The following MCM3AP variants were observed in gnomAD, a reference collection of about 807,000 sequenced individuals.
MCM3AP encodes germinal-center associated nuclear protein.
A neutral mutation model predicts 184.1 loss-of-function variants in MCM3AP; 126 were observed. The observed-to-expected ratio is 0.68, with a 90% confidence interval of 0.59 to 0.79. The LOEUF is 0.79. Ranked by LOEUF, MCM3AP falls within the 30% of genes least tolerant of loss-of-function variation. The probability of loss-of-function intolerance (pLI) is 0.00; values close to 1 mark genes in which losing one functional copy is unlikely to be tolerated. For synonymous variants in MCM3AP, 1,002 were observed against 979.3 expected (o/e 1.02, Z -0.43); for missense variants, 2,496 against 2,479.2 (o/e 1.01, Z -0.14).
upstream of MCM3AP, chr21:46,285,612 T>TA (rs545633278): frequency 0.3 from 55,469 of 182,658 alleles, 7,888 homozygotes; most frequent in Admixed American, 0.41. Context: ...CCTTTAAGAT[T>TA]AAAAAAAAAA....
At chr21:46,273,335 G>T in intron 7 of MCM3AP, 53 bp downstream of exon 7, 1 of 1,501,214 alleles carries the variant, frequency 6.7e-7, no homozygotes, top group South Asian at 1.1e-5. Flanking sequence ...ATATCAGTTT[G>T]ACTTTGGAAT....
At chr21:46,278,902 T>C (rs1207520079) in intron 4 of MCM3AP, among the ~76,000 whole-genome samples, 1 of 149,530 alleles carries the variant, frequency 6.7e-6, no homozygotes, top group African/African-American at 2.5e-5. Context: ...CTCAATCTCC[T>C]GACCTTGTGA....
chr21:46,256,122 C>G (rs2080945356), intron 17 of MCM3AP, among the ~76,000 whole-genome samples: 1 of 152,182 alleles, frequency 6.6e-6, no homozygotes, highest in Admixed American at 6.5e-5. Flanking sequence ...CCAGTCCCCA[C>G]CCACTGGGAG....
chr21:46,272,852 A>G (rs1569076565), intron 7 of MCM3AP, 23 bp from the exon 8 acceptor site: 3 of 1,546,512 alleles, frequency 1.9e-6, no homozygotes, highest in East Asian at 2.3e-5. Flanking sequence ...GAGGGGGAGG[A>G]TCACACACAC....
chr21:46,243,294 T>C (rs2080704872), intron 24 of MCM3AP, 171 bp downstream of exon 24: 1 of 848,590 alleles, frequency 1.2e-6, no homozygotes, highest in African/African-American at 1.7e-5. Context: ...AGAAACTTCC[T>C]AGCCTGTCTC....
intron 21 of MCM3AP, 91 bp downstream of exon 21, chr21:46,246,537 G>A (rs1171219286): frequency 8.4e-6 from 13 of 1,549,756 alleles, no homozygotes; most frequent in Non-Finnish European, 5.3e-6. Context: ...AGTGATTCCT[G>A]ACCCCAACAC....
At chr21:46,243,403 G>A in intron 24 of MCM3AP, 62 bp downstream of exon 24, 3 of 1,520,388 alleles carry the variant, frequency 2.0e-6, no homozygotes, top group Non-Finnish European at 2.6e-6. Context: ...ATCTTCCTTT[G>A]CAGAAACTGG....
In MCM3AP at chr21:46,265,010, G is replaced by A. The variant is rs58807970; in HGVS notation, c.3234+311C>T. Among the ~76,000 whole-genome samples, 22 of 151,792 alleles carry A rather than the reference G, an allele frequency of 1.4e-4. No individual in the cohort carries two copies. The East Asian group carries it at 2.5e-3, about 18-fold the overall frequency. Reference sequence around the variant, plus strand: ...CAGGCCACACCCACCAGGCGGACACGCCACCCCAGGTCACACCCATCAGGG... The same window carrying A: ...CAGGCCACACCCACCAGGCGGACACACCACCCCAGGTCACACCCATCAGGG... On this transcript the variant is annotated intron_variant, in intron 12 of 27. Transcript: ENST00000291688.
intron 22 of MCM3AP, 38 bp from the exon 23 acceptor site, chr21:46,245,235 CTG>C (rs2080745908): frequency 1.3e-6 from 2 of 1,559,920 alleles, no homozygotes; most frequent in Non-Finnish European, 1.7e-6. Context: ...ACAATTCACA[CTG>C]TTTTTCAAAA....
In MCM3AP at chr21:46,265,467, G is replaced by C. The variant is rs754186576; in HGVS notation, c.3088C>G (p.Pro1030Ala). 4.3e-6 allele frequency: 7 copies of C among 1,609,962 alleles called. No individual in the cohort carries two copies. In the South Asian group the frequency reaches 7.7e-5, roughly 18 times the overall value. ...GGCGCAGGGGCTGGTAGAGACTGTG[G>C]GAGACTGGACAGGGGTGCATCCGGC... is the stretch of plus-strand genomic sequence containing the variant. ...VEPDAPLSSLPQSLPAPAPSP... is the reference protein window; with the variant it reads ...VEPDAPLSSLAQSLPAPAPSP... The change falls in exon 12 of 28, where the codon CCA (proline) becomes GCA (alanine). Residue 1030 changes from proline to alanine, a missense_variant. Around this residue, in one of 5 missense-constraint regions of MCM3AP, gnomAD observed 1,323 missense variants for 1,273.4 expected, o/e 1.04. Coordinates refer to ENST00000291688, the MANE Select transcript of MCM3AP (RefSeq NM_003906.5).
rs530602587 is a variant in MCM3AP at position 46,273,999 on chromosome 21, G to A, written c.1999-414C>T. The stretch of plus-strand genomic sequence containing the variant: ...GGACTGCTGAGGACACAGCATCAGG[G>A]GCTGGCTGCCCACCTGGGGCCTGGA... On this transcript the variant is annotated intron_variant, in intron 6 of 27. Transcript: ENST00000291688. Among the ~76,000 whole-genome samples, 50 of 152,344 alleles carry A rather than the reference G, an allele frequency of 3.3e-4. No individual in the cohort carries two copies. In the South Asian group the frequency reaches 0.01, roughly 32 times the overall value.
In MCM3AP at chr21:46,280,512, G is replaced by A. The variant is rs2081318579; in HGVS notation, c.1507C>T (p.His503Tyr). ...SLHKDMAIFW[H>Y]RKKISPNKKP... The stretch of plus-strand genomic sequence containing the variant: ...GAAAACTCACTTATTTTCTTCCTGT[G>A]CCAAAAGATAGCCATGTCTTTATGC... Residue 503 changes from histidine to tyrosine, a missense_variant, in exon 3 of 28, where the codon CAC (histidine) becomes TAC (tyrosine). His to Tyr is a moderately conservative substitution (Grantham distance 83). Coordinates refer to ENST00000291688, the MANE Select transcript of MCM3AP (RefSeq NM_003906.5). 5.0e-6 allele frequency: 8 copies of A among 1,609,948 alleles called. No homozygotes were observed. Among genetic ancestry groups the A allele is most frequent in the Non-Finnish European group, 5.9e-6 (7 of 1,177,316 alleles).
At position 46,238,032 on chromosome 21, in the gene MCM3AP, G is replaced by A. The variant is rs142988071; in HGVS notation, c.5634-1053C>T. 4.4e-4 allele frequency among the ~76,000 whole-genome samples: 48 copies of A among 109,458 alleles called. 12 individuals carry two copies. The highest frequency in any genetic ancestry group is 1.8e-3 in the African/African-American group (48 of 26,254). 71.8% of individuals were successfully genotyped at this position (109,458 alleles called of 152,430 possible). A position where few individuals can be genotyped will look rare whatever the true frequency, so the allele number is the denominator to read the frequency against. ...GGAGAACTGCCTGAACCCGGGAGGC[G>A]GAGGTTGCAGTGAGCCAGATCACGC... On this transcript the variant is annotated intron_variant, in intron 26 of 27. Transcript: ENST00000291688.
chr21:46,284,060 G>A lies in MCM3AP; in HGVS notation c.1219+8C>T, dbSNP rs763424551. On this transcript the variant is annotated splice_region_variant and intron_variant, in intron 1 of 27. Coordinates refer to ENST00000291688, the MANE Select transcript of MCM3AP (RefSeq NM_003906.5). ...ATTTACTCTATGTGCTACATTTTCA[G>A]AGCTCACCTTCTTTCTTCTCTCTAC... 4 of 1,607,894 alleles carry A rather than the reference G, an allele frequency of 2.5e-6. No individual in the cohort carries two copies. The South Asian group carries it at 4.4e-5, about 18-fold the overall frequency.
chr21:46,254,715 TGTG>T, intron 18 of MCM3AP, 58 bp downstream of exon 18: 1 of 1,503,280 alleles, frequency 6.7e-7, no homozygotes, highest in Non-Finnish European at 9.3e-7. Flanking sequence ...GGGCTGCCAG[TGTG>T]ACAGATTGGG....
At chr21:46,257,750 C>T (rs1030933383) in intron 16 of MCM3AP, among the ~76,000 whole-genome samples, 1 of 151,864 alleles carries the variant, frequency 6.6e-6, no homozygotes, top group African/African-American at 2.4e-5. Flanking sequence ...GAAACCCCAT[C>T]TCTACTAAAA....
Position 46,240,856 on chromosome 21 carries a change from T to C in MCM3AP, c.5588A>G (p.Gln1863Arg). 1.2e-6 allele frequency: 2 copies of C among 1,614,218 alleles called. No individual in the cohort carries two copies. The highest frequency in any genetic ancestry group is 1.7e-6 in the Non-Finnish European group (2 of 1,180,030). ...RGASAEELLA[Q>R]CLSSSLLLEK... Reference sequence around the variant, plus strand: ...CAGCAGCAGACTGCTCGACAAACACTGCGCCAAGAGCTCCTCAGCAGAAGC... The same window carrying C: ...CAGCAGCAGACTGCTCGACAAACACCGCGCCAAGAGCTCCTCAGCAGAAGC... The change falls in exon 26 of 28, where the codon CAG (glutamine) becomes CGG (arginine). Residue 1863 changes from glutamine to arginine, a missense_variant. Around this residue, in one of 5 missense-constraint regions of MCM3AP, gnomAD observed 1,323 missense variants for 1,273.4 expected, o/e 1.04. Transcript: ENST00000291688.
At chr21:46,278,313 A>G (rs918183055) in intron 4 of MCM3AP, among the ~76,000 whole-genome samples, 2 of 152,264 alleles carry the variant, frequency 1.3e-5, no homozygotes, top group Non-Finnish European at 2.9e-5. Context: ...TTATTTTGGT[A>G]GAAGGACATA....
intron 2 of MCM3AP, among the ~76,000 whole-genome samples, chr21:46,282,678 G>T (rs17182573): frequency 1.3e-5 from 2 of 151,652 alleles, no homozygotes; most frequent in African/African-American, 2.4e-5. Context: ...GGTGGCGGGC[G>T]CCTGTAGTTC....
Sources: allele counts gnomAD v4.1 joint callset (sites outside exome capture counted in the v4.1 genomes callset), GRCh38; gene constraint gnomAD v4.1.1; regional missense constraint gnomAD v4.1.1; transcripts MANE v1.5; gene names NCBI Gene and HGNC (gene_info 2026-07-23, HGNC 2026-07-21).